The following MAP2K6 variants were observed in gnomAD, a reference collection of about 807,000 sequenced individuals.
The protein encoded by MAP2K6 is mitogen-activated protein kinase kinase 6, also known as dual specificity mitogen-activated protein kinase kinase 6.
In MAP2K6, 16 loss-of-function variants were observed where a neutral mutation model predicts 53.7. The observed-to-expected ratio is 0.30, with a 90% CI of 0.20 to 0.45. The LOEUF is 0.45. MAP2K6 is among the 20% of genes least tolerant of loss of function. MAP2K6 has a pLI of 1.00. For missense variants in MAP2K6, 204 were observed against 411.9 expected (o/e 0.50, Z 4.37); for synonymous variants, 132 against 143.1 (o/e 0.92, Z 0.55).
chr17:69,521,527 T>C lies in MAP2K6; in HGVS notation c.535+427T>C, dbSNP rs193223950. ...TTGTGCACATGAAAGTGTGAAAAAC[T>C]CTGGTATAAAGTAGAGCCCTTTCAG... On this transcript the variant is annotated intron_variant, in intron 7 of 11. Transcript: ENST00000590474. The C allele has an allele frequency of 3.9e-3, 605 of 156,810 alleles. 7 individuals carry two copies. Among genetic ancestry groups the C allele is most frequent in the African/African-American group, 0.014 (589 of 41,778 alleles). The allele number at this position is 156,810 out of a possible 1,614,324, so 9.7% of individuals were successfully genotyped here.
At position 69,486,020 on chromosome 17, in the gene MAP2K6, T is replaced by G. The variant is rs544266756; in HGVS notation, c.17-19760T>G. On this transcript the variant is annotated intron_variant, in intron 1 of 11. Coordinates refer to ENST00000590474, the MANE Select transcript of MAP2K6 (RefSeq NM_002758.4). Reference sequence around the variant, plus strand: ...CTGTGTATTTTCCTATTTCCATTTATGTAAACTTTGAATGAAGAGACCAGA... The same window carrying G: ...CTGTGTATTTTCCTATTTCCATTTAGGTAAACTTTGAATGAAGAGACCAGA... Among the ~76,000 whole-genome samples, 9 of 152,354 alleles carry G rather than the reference T, an allele frequency of 5.9e-5. No homozygotes were observed. In the East Asian group the frequency reaches 1.7e-3, roughly 29 times the overall value.
At chr17:69,445,881 G>A (rs947636409) in intron 1 of MAP2K6, among the ~76,000 whole-genome samples, 2 of 152,170 alleles carry the variant, frequency 1.3e-5, no homozygotes, top group Non-Finnish European at 2.9e-5. Context: ...AGTAAAGCTT[G>A]TGCAGGTCTC....
rs770061826 is a variant in MAP2K6 at position 69,517,578 on chromosome 17, C to G, written c.211C>G (p.Arg71Gly). Residue 71 changes from arginine to glycine, a missense_variant, in exon 4 of 12, where the codon CGG (arginine) becomes GGG (glycine). This residue lies in a region of MAP2K6 where 129 missense variants were observed against 247.1 expected (regional missense o/e 0.52). Coordinates refer to ENST00000590474, the MANE Select transcript of MAP2K6 (RefSeq NM_002758.4). ...RGAYGVVEKM[R>G]HVPSGQIMAV... is the part of the protein sequence containing the mutation. ...TGCGTACGGGGTGGTGGAGAAGATG[C>G]GGCACGTGCCCAGCGGGCAGATCAT... 6.2e-7 allele frequency: 1 copy of G among 1,606,972 alleles called. No homozygotes were observed. The highest frequency in any genetic ancestry group is 1.7e-5 in the Admixed American group (1 of 59,564).
intron 1 of MAP2K6, among the ~76,000 whole-genome samples, chr17:69,438,020 C>A (rs1906702203): frequency 6.6e-6 from 1 of 152,310 alleles, no homozygotes; most frequent in South Asian, 2.1e-4. Context: ...GAAAAAGTAG[C>A]CAATAAATTA....
chr17:69,472,922 G>C (rs978020923), intron 1 of MAP2K6, among the ~76,000 whole-genome samples: 7 of 152,092 alleles, frequency 4.6e-5, no homozygotes, highest in African/African-American at 1.7e-4. Context: ...TTCCAGGCTG[G>C]TCTCGAACTC....
At chr17:69,469,802 T>C (rs746730455) in intron 1 of MAP2K6, among the ~76,000 whole-genome samples, 3 of 151,984 alleles carry the variant, frequency 2.0e-5, no homozygotes, top group Non-Finnish European at 4.4e-5. Flanking sequence ...AAAGTATCTT[T>C]GGGGTGGTTG....
At chr17:69,485,667 G>A (rs1353256222) in intron 1 of MAP2K6, among the ~76,000 whole-genome samples, 4 of 152,002 alleles carry the variant, frequency 2.6e-5, no homozygotes, top group Non-Finnish European at 5.9e-5. Flanking sequence ...TTTGTCACCC[G>A]CTTTTGCCCC....
chr17:69,460,956 G>A (rs986937230), intron 1 of MAP2K6, among the ~76,000 whole-genome samples: 3 of 152,192 alleles, frequency 2.0e-5, no homozygotes, highest in Admixed American at 6.5e-5. Context: ...ATAGGTTGCC[G>A]TGGGTGAGCC....
chr17:69,484,856 A>C (rs1452594238), intron 1 of MAP2K6, among the ~76,000 whole-genome samples: 1 of 152,178 alleles, frequency 6.6e-6, no homozygotes, highest in Non-Finnish European at 1.5e-5. Flanking sequence ...CATTATATGA[A>C]ATATCTAGAA....
chr17:69,548,733 A>G lies in MAP2K6; in HGVS notation c.*6980A>G, dbSNP rs1192678543. ...CACTCACTACCTGTTCCTGGTGACT[A>G]CATAGAAGATGTGTTATTTTTCTGA... On this transcript the variant is annotated 3_prime_UTR_variant, in exon 12 of 12. Coordinates refer to ENST00000590474, the MANE Select transcript of MAP2K6 (RefSeq NM_002758.4). 1 of 152,200 alleles carries G rather than the reference A, an allele frequency of 6.6e-6. No individual in the cohort carries two copies. Among genetic ancestry groups the G allele is most frequent in the Non-Finnish European group, 1.5e-5 (1 of 68,028 alleles). The allele number at this position is 152,200 out of a possible 1,614,324, so 9.4% of individuals were successfully genotyped here. A position where few individuals can be genotyped will look rare whatever the true frequency, so the allele number is the denominator to read the frequency against.
intron 2 of MAP2K6, among the ~76,000 whole-genome samples, chr17:69,507,467 T>A (rs1909563934): frequency 6.6e-6 from 1 of 152,170 alleles, no homozygotes; most frequent in South Asian, 2.1e-4. Context: ...GCTCCCCTCT[T>A]ATAATCAAAC....
At chr17:69,496,822 T>C (rs548176188) in intron 1 of MAP2K6, among the ~76,000 whole-genome samples, 4 of 152,182 alleles carry the variant, frequency 2.6e-5, no homozygotes, top group African/African-American at 9.6e-5. Context: ...TGCAGCATCT[T>C]ATACTTAATA....
intron 1 of MAP2K6, among the ~76,000 whole-genome samples, chr17:69,501,971 G>A (rs1909195658): frequency 6.8e-6 from 1 of 147,648 alleles, no homozygotes; most frequent in South Asian, 2.1e-4. Context: ...GGTGTTGGCT[G>A]CCTTCCTGGG....
At chr17:69,460,788 G>C (rs1252913976) in intron 1 of MAP2K6, among the ~76,000 whole-genome samples, 2 of 152,140 alleles carry the variant, frequency 1.3e-5, no homozygotes, top group Non-Finnish European at 2.9e-5. Context: ...TTTGTAGAGA[G>C]GGGGTGTCCC....
chr17:69,491,182 C>T (rs557838368), intron 1 of MAP2K6, among the ~76,000 whole-genome samples: 45 of 146,434 alleles, frequency 3.1e-4, no homozygotes, highest in African/African-American at 9.7e-4. Flanking sequence ...CTCACTCTAT[C>T]GCCCAGGCTG....
At chr17:69,479,991 C>T (rs1436730411) in intron 1 of MAP2K6, among the ~76,000 whole-genome samples, 1 of 152,140 alleles carries the variant, frequency 6.6e-6, no homozygotes, top group East Asian at 1.9e-4. Context: ...CCGGCTTGGC[C>T]TCCCAACTCT....
At chr17:69,462,828 C>T (rs952876519) in intron 1 of MAP2K6, among the ~76,000 whole-genome samples, 9 of 152,104 alleles carry the variant, frequency 5.9e-5, no homozygotes, top group African/African-American at 1.9e-4. Context: ...GGCATGGTGG[C>T]TCATGCCTGT....
At chr17:69,442,253 T>A (rs913912885) in intron 1 of MAP2K6, among the ~76,000 whole-genome samples, 1 of 152,206 alleles carries the variant, frequency 6.6e-6, no homozygotes, top group African/African-American at 2.4e-5. Context: ...CTTCCCAGAG[T>A]GGCTTTTCTC....
At chr17:69,505,907 G>T (rs1909446228) in intron 2 of MAP2K6, 61 bp downstream of exon 2, 5 of 1,453,758 alleles carry the variant, frequency 3.4e-6, no homozygotes, top group African/African-American at 1.4e-5. Context: ...CCTCCTGGGG[G>T]TTTATTTTTG....
Sources: gnomAD v4.1 joint callset for allele counts (sites outside exome capture counted in the v4.1 genomes callset) on GRCh38, gnomAD v4.1.1 for gene constraint, gnomAD v4.1.1 regional missense constraint, MANE v1.5 for transcripts, NCBI Gene and HGNC (gene_info 2026-07-23, HGNC 2026-07-21) for gene names.